The following NOL4 variants were observed in gnomAD, a reference collection of about 807,000 sequenced individuals.
The protein encoded by NOL4 is cancer/testis antigen 125.
A neutral mutation model predicts 75.9 loss-of-function variants in NOL4; 17 were observed. That is an observed-to-expected ratio of 0.22 (90% CI 0.15 to 0.34). The LOEUF (loss-of-function observed/expected upper bound fraction) is 0.34, where lower values mean the gene tolerates loss of function less well. Among genes scored for constraint, NOL4 ranks in the 10% least tolerant of loss-of-function variants. The probability of loss-of-function intolerance (pLI) is 1.00; values close to 1 mark genes in which losing one functional copy is unlikely to be tolerated. For synonymous variants in NOL4, 292 were observed against 289.9 expected (o/e 1.01, Z -0.07); for missense variants, 614 against 793.5 (o/e 0.77, Z 2.72).
intron 1 of NOL4, among the ~76,000 whole-genome samples, chr18:34,171,570 G>A (rs573817761): frequency 6.6e-6 from 1 of 152,248 alleles, no homozygotes; most frequent in East Asian, 1.9e-4. Context: ...ATACCTGAAT[G>A]ACCATAGTCT....
chr18:34,152,935 A>G (rs1364184289), intron 1 of NOL4, among the ~76,000 whole-genome samples: 3 of 151,842 alleles, frequency 2.0e-5, no homozygotes, highest in Non-Finnish European at 4.4e-5. Flanking sequence ...TTTTCCCCAA[A>G]TCACATTGTA....
intron 6 of NOL4, among the ~76,000 whole-genome samples, chr18:34,003,546 A>C (rs1390876215): frequency 6.6e-6 from 1 of 152,102 alleles, no homozygotes; most frequent in Admixed American, 6.6e-5. Context: ...CTGCTGCTGG[A>C]AATCTTTTTC....
chr18:34,038,853 A>T (rs1012489659), intron 5 of NOL4, among the ~76,000 whole-genome samples: 1 of 152,060 alleles, frequency 6.6e-6, no homozygotes, highest in African/African-American at 2.4e-5. Context: ...ATGATCAGCA[A>T]CAGTATACTG....
At chr18:34,003,283 C>G (rs1452953648) in intron 6 of NOL4, among the ~76,000 whole-genome samples, 1 of 151,940 alleles carries the variant, frequency 6.6e-6, no homozygotes, top group Admixed American at 6.6e-5. Context: ...TTATAATTAT[C>G]TATGTAGCTG....
intron 5 of NOL4, among the ~76,000 whole-genome samples, chr18:34,059,756 T>G (rs1178306496): frequency 1.3e-5 from 2 of 152,172 alleles, no homozygotes; most frequent in East Asian, 3.9e-4. Flanking sequence ...TCAAGTTCTT[T>G]AGCACTTTTT....
intron 6 of NOL4, among the ~76,000 whole-genome samples, chr18:33,993,686 T>C (rs1182764091): frequency 6.6e-6 from 1 of 151,644 alleles, no homozygotes; most frequent in Non-Finnish European, 1.5e-5. Context: ...ATAAATATGT[T>C]GGAAAAACAA....
At chr18:34,159,780 G>A (rs191461222) in intron 1 of NOL4, among the ~76,000 whole-genome samples, 3 of 152,102 alleles carry the variant, frequency 2.0e-5, no homozygotes, top group Admixed American at 6.5e-5. Context: ...TGCCCTTCCC[G>A]GGTGTCTGGG....
chr18:33,918,439 T>C (rs1314965092), intron 9 of NOL4, among the ~76,000 whole-genome samples: 2 of 152,180 alleles, frequency 1.3e-5, no homozygotes, highest in Admixed American at 6.5e-5. Context: ...GATATATATG[T>C]TATTTATAAT....
intron 10 of NOL4, among the ~76,000 whole-genome samples, chr18:33,876,857 G>A (rs2063959166): frequency 6.6e-6 from 1 of 151,968 alleles, no homozygotes; most frequent in Non-Finnish European, 1.5e-5. Context: ...CATTTTTTGG[G>A]TGAAGAAAAC....
At chr18:34,071,325 A>C (rs747487287) in intron 5 of NOL4, among the ~76,000 whole-genome samples, 1 of 152,140 alleles carries the variant, frequency 6.6e-6, no homozygotes, top group Non-Finnish European at 1.5e-5. Flanking sequence ...TATAATATAG[A>C]TACATATTGA....
intron 1 of NOL4, among the ~76,000 whole-genome samples, chr18:34,147,487 T>A (rs1024634384): frequency 1.3e-5 from 2 of 152,186 alleles, no homozygotes; most frequent in Non-Finnish European, 2.9e-5. Context: ...GTGGTTTTTG[T>A]CATTGGTTCT....
At chr18:34,094,404 C>T in intron 4 of NOL4, among the ~76,000 whole-genome samples, 1 of 152,140 alleles carries the variant, frequency 6.6e-6, no homozygotes, top group Non-Finnish European at 1.5e-5. Flanking sequence ...TGCACGGCAA[C>T]CACAAAGAGG....
intron 10 of NOL4, among the ~76,000 whole-genome samples, chr18:33,868,019 T>G (rs2063513566): frequency 6.6e-6 from 1 of 151,860 alleles, no homozygotes; most frequent in Admixed American, 6.6e-5. Context: ...GCAATATGCT[T>G]TACTCGGTCT....
At chr18:34,065,405 C>T (rs976469623) in intron 5 of NOL4, among the ~76,000 whole-genome samples, 1 of 151,890 alleles carries the variant, frequency 6.6e-6, no homozygotes, top group Non-Finnish European at 1.5e-5. Context: ...ATCCTCCCTA[C>T]CTGCCTATTG....
intron 4 of NOL4, among the ~76,000 whole-genome samples, chr18:34,098,770 G>A (rs1192945388): frequency 6.6e-6 from 1 of 151,926 alleles, no homozygotes; most frequent in African/African-American, 2.4e-5. Flanking sequence ...AAGATTTTGG[G>A]CTCCAAAGTT....
chr18:34,003,221 C>T (rs2073837141), intron 6 of NOL4, among the ~76,000 whole-genome samples: 1 of 151,998 alleles, frequency 6.6e-6, no homozygotes, highest in Admixed American at 6.6e-5. Context: ...CTGAAATTTT[C>T]TTCATGTAAG....
In NOL4 at chr18:33,908,411, A is replaced by C. The variant is rs552156702; in HGVS notation, c.1543-24987T>G. On this transcript the variant is annotated intron_variant, in intron 9 of 10. Transcript: ENST00000261592. Reference sequence around the variant, plus strand: ...GTGCCAACATGGTTGGCTGAGCAGAATGAAGAACTATCCCTTCCTAATATC... The same window carrying C: ...GTGCCAACATGGTTGGCTGAGCAGACTGAAGAACTATCCCTTCCTAATATC... Among the ~76,000 whole-genome samples, 9 of 152,282 alleles carry C rather than the reference A, an allele frequency of 5.9e-5. No homozygotes were observed. The South Asian group carries it at 1.9e-3, about 32-fold the overall frequency.
chr18:34,162,102 T>C (rs1014565112), intron 1 of NOL4, among the ~76,000 whole-genome samples: 4 of 152,148 alleles, frequency 2.6e-5, no homozygotes, highest in African/African-American at 9.7e-5. Flanking sequence ...TAAATGCAAA[T>C]GTATATTTCA....
chr18:33,972,009 G>C (rs1336676728), intron 6 of NOL4, among the ~76,000 whole-genome samples: 1 of 151,610 alleles, frequency 6.6e-6, no homozygotes, highest in Non-Finnish European at 1.5e-5. Context: ...CAACTAAAAA[G>C]TACAAAAATT....
Sources: allele counts gnomAD v4.1 joint callset (sites outside exome capture counted in the v4.1 genomes callset), GRCh38; gene constraint gnomAD v4.1.1; transcripts MANE v1.5; gene names NCBI Gene and HGNC (gene_info 2026-07-23, HGNC 2026-07-21).